The following CERK variants were observed in gnomAD, a reference collection of about 807,000 sequenced individuals.
The protein encoded by CERK is acylsphingosine kinase.
In CERK, 39 loss-of-function variants were observed where a neutral mutation model predicts 63.4. The observed-to-expected ratio is 0.61, with a 90% CI of 0.48 to 0.80. CERK has a LOEUF of 0.80. CERK is among the 30% of genes least tolerant of loss of function. The pLI is 0.00. For synonymous variants in CERK, 302 were observed against 280.0 expected (o/e 1.08, Z -0.78); for missense variants, 670 against 714.1 (o/e 0.94, Z 0.70).
At position 46,738,014 on chromosome 22, in the gene CERK, G is replaced by C; in HGVS notation, c.135C>G (p.Pro45=). ...GGCGGCGGCGACACTCACCCGCGCCGGGGGCGCCGGCTCCGGGCCCCGGGC... is the reference window on the plus strand; with the variant it reads ...GGCGGCGGCGACACTCACCCGCGCCCGGGGCGCCGGCTCCGGGCCCCGGGC... ...WRSPGPGAGA[P]GADACSVPVS... is the part of the protein sequence containing the mutation. The change falls in exon 1 of 13, where the codon CCC becomes CCG. Residue 45 remains proline (P), a synonymous_variant. Coordinates refer to ENST00000216264, the MANE Select transcript of CERK (RefSeq NM_022766.6). The C allele has an allele frequency of 8.5e-7, 1 of 1,183,430 alleles. No individual in the cohort carries two copies. The allele number at this position is 1,183,430 out of a possible 1,614,324, so 73.3% of individuals were successfully genotyped here.
intron 2 of CERK, 25 bp from the exon 3 acceptor site, chr22:46,720,233 T>G (rs1219925867): frequency 6.3e-7 from 1 of 1,593,504 alleles, no homozygotes; most frequent in African/African-American, 1.3e-5. Flanking sequence ...GCATGCTCGT[T>G]AGTGCAAAGT....
At chr22:46,688,610 G>A (rs1326591212) in intron 12 of CERK, among the ~76,000 whole-genome samples, 2 of 152,248 alleles carry the variant, frequency 1.3e-5, no homozygotes, top group Non-Finnish European at 2.9e-5. Context: ...AGCTTTCTTA[G>A]AGCCGCAGCT....
intron 6 of CERK, among the ~76,000 whole-genome samples, chr22:46,705,181 T>G (rs1439653701): frequency 6.6e-6 from 1 of 152,192 alleles, no homozygotes; most frequent in Non-Finnish European, 1.5e-5. Context: ...AATCATGACC[T>G]GGAGCCTCTG....
In CERK at chr22:46,738,007, C is replaced by A. The variant is rs1356970523; in HGVS notation, c.142G>T (p.Asp48Tyr). The A allele has an allele frequency of 6.8e-6, 8 of 1,180,036 alleles. No individual in the cohort carries two copies. Among genetic ancestry groups the A allele is most frequent in the Non-Finnish European group, 8.4e-6 (8 of 957,586 alleles). 73.1% of individuals were successfully genotyped at this position (1,180,036 alleles called of 1,614,324 possible). A position where few individuals can be genotyped will look rare whatever the true frequency, so the allele number is the denominator to read the frequency against. ...PGPGAGAPGADACSVPVSEII... is the reference protein window; with the variant it reads ...PGPGAGAPGAYACSVPVSEII... Reference sequence around the variant, plus strand: ...GAACCCGGGCGGCGGCGACACTCACCCGCGCCGGGGGCGCCGGCTCCGGGC... The same window carrying A: ...GAACCCGGGCGGCGGCGACACTCACACGCGCCGGGGGCGCCGGCTCCGGGC... The change falls in exon 1 of 13, where the codon GAT becomes TAT. Residue 48 changes from aspartate (D) to tyrosine (Y), a missense_variant and splice_region_variant. Physicochemically the swap from Asp to Tyr is radical, Grantham distance 160 (BLOSUM62 -3). Coordinates refer to ENST00000216264, the MANE Select transcript of CERK (RefSeq NM_022766.6).
chr22:46,737,247 G>C (rs1387546691), intron 1 of CERK, among the ~76,000 whole-genome samples: 2 of 150,964 alleles, frequency 1.3e-5, no homozygotes, highest in South Asian at 2.1e-4. Flanking sequence ...AGCCAAGATC[G>C]TGGCATTGAA....
intron 4 of CERK, 126 bp downstream of exon 4, chr22:46,712,042 G>T: frequency 1.0e-6 from 1 of 1,004,046 alleles, no homozygotes; most frequent in Non-Finnish European, 1.5e-6. Flanking sequence ...ACCCACAATT[G>T]CACCACTGCA....
intron 1 of CERK, among the ~76,000 whole-genome samples, chr22:46,729,516 C>T (rs1314711491): frequency 3.3e-5 from 5 of 152,022 alleles, no homozygotes; most frequent in African/African-American, 9.7e-5. Flanking sequence ...TCAAATGCTC[C>T]TCCTGCCCCA....
At chr22:46,703,002 C>T (rs2082795158) in intron 6 of CERK, among the ~76,000 whole-genome samples, 1 of 152,132 alleles carries the variant, frequency 6.6e-6, no homozygotes, top group South Asian at 2.1e-4. Context: ...GACGGGGCTC[C>T]AGGGGGGTTG....
chr22:46,718,850 G>T (rs5769110), intron 3 of CERK, among the ~76,000 whole-genome samples: 7,674 of 152,248 alleles, frequency 0.05, 249 homozygotes, highest in Non-Finnish European at 0.056. Context: ...AAGGTAGGAA[G>T]ATGGCTTGAG....
chr22:46,690,675 T>A (rs928453109), intron 11 of CERK, among the ~76,000 whole-genome samples: 1 of 152,216 alleles, frequency 6.6e-6, no homozygotes, highest in African/African-American at 2.4e-5. Flanking sequence ...TGACTAAATT[T>A]GGAGACTGTG....
intron 3 of CERK, 107 bp downstream of exon 3, chr22:46,719,979 G>T (rs1208968984): frequency 2.8e-6 from 4 of 1,438,212 alleles, no homozygotes; most frequent in East Asian, 2.3e-5. Flanking sequence ...GTCCACCTGG[G>T]GTATGGCCAG....
Position 46,699,440 on chromosome 22 carries a change from G to A in CERK, c.816C>T (p.Ser272=). ...GGAGTGTGCTGTTGTGGTGGACTGAGGACACATCCATGGCCAGCGAGTCCC... is the reference window on the plus strand; with the variant it reads ...GGAGTGTGCTGTTGTGGTGGACTGAAGACACATCCATGGCCAGCGAGTCCC... ...VVGDSLAMDV[S]SVHHNSTLLR... is the part of the protein sequence containing the mutation. The change falls in exon 8 of 13, where the codon TCC becomes TCT. Residue 272 remains serine, a synonymous_variant. Transcript: ENST00000216264. 2 of 1,614,188 alleles carry A rather than the reference G, an allele frequency of 1.2e-6. No individual in the cohort carries two copies. The highest frequency in any genetic ancestry group is 1.7e-6 in the Non-Finnish European group (2 of 1,180,016).
At chr22:46,723,978 A>C (rs1467447409) in intron 1 of CERK, among the ~76,000 whole-genome samples, 2 of 152,102 alleles carry the variant, frequency 1.3e-5, no homozygotes, top group Admixed American at 1.3e-4. Flanking sequence ...GATTACAGGC[A>C]TGAGCCACCG....
At chr22:46,722,986 G>A (rs1205659795) in intron 1 of CERK, among the ~76,000 whole-genome samples, 1 of 152,206 alleles carries the variant, frequency 6.6e-6, no homozygotes, top group East Asian at 1.9e-4. Context: ...AGGGCGAGCG[G>A]CTGCGAGAGG....
intron 6 of CERK, among the ~76,000 whole-genome samples, chr22:46,705,462 A>G (rs2082808545): frequency 6.6e-6 from 1 of 152,150 alleles, no homozygotes; most frequent in African/African-American, 2.4e-5. Flanking sequence ...ACTTGAGGTC[A>G]AGAGTTTGAG....
intron 1 of CERK, among the ~76,000 whole-genome samples, chr22:46,728,954 G>A (rs375817472): frequency 3.3e-5 from 5 of 152,238 alleles, no homozygotes; most frequent in African/African-American, 1.2e-4. Context: ...TCACTCCTGA[G>A]GGGCCAAAAC....
intron 8 of CERK, among the ~76,000 whole-genome samples, chr22:46,697,949 G>A (rs78424): frequency 0.37 from 55,600 of 152,162 alleles, 10,263 homozygotes; most frequent in Middle Eastern, 0.53. Context: ...CTCTGTGGTC[G>A]GGTAACAGGT....
intron 8 of CERK, among the ~76,000 whole-genome samples, chr22:46,697,298 T>C (rs1466325986): frequency 6.6e-6 from 1 of 152,108 alleles, no homozygotes; most frequent in African/African-American, 2.4e-5. Context: ...TATTTTCTTC[T>C]TTCTTTCTTT....
At position 46,689,255 on chromosome 22, in the gene CERK, G is replaced by A. The variant is rs576630886; in HGVS notation, c.1541+737C>T. On this transcript the variant is annotated intron_variant, in intron 12 of 12. Coordinates refer to ENST00000216264, the MANE Select transcript of CERK (RefSeq NM_022766.6). ...GCCCTTCCCAGCCCTGCTGCCTCCTGCCCCTCCCTGCACGGAGCACCTGCA... is the reference window on the plus strand; with the variant it reads ...GCCCTTCCCAGCCCTGCTGCCTCCTACCCCTCCCTGCACGGAGCACCTGCA... Among the ~76,000 whole-genome samples the A allele has an allele frequency of 2.0e-5, 3 of 152,376 alleles. No homozygotes were observed. In the East Asian group the frequency reaches 5.8e-4, roughly 29 times the overall value.
Sources: gnomAD v4.1 joint callset for allele counts (sites outside exome capture counted in the v4.1 genomes callset) on GRCh38, gnomAD v4.1.1 for gene constraint, MANE v1.5 for transcripts, NCBI Gene and HGNC (gene_info 2026-07-23, HGNC 2026-07-21) for gene names.